The following ZFYVE26 variants were observed in gnomAD, a reference collection of about 807,000 sequenced individuals.
ZFYVE26 encodes the protein zinc finger FYVE domain-containing protein 26.
Under a neutral mutation model 276.5 loss-of-function variants are expected in ZFYVE26, and 181 were observed. That is an observed-to-expected ratio of 0.65 (90% CI 0.58 to 0.74). The LOEUF is 0.74. ZFYVE26 is among the 30% of genes least tolerant of loss of function. ZFYVE26 has a pLI of 0.00. For missense variants in ZFYVE26, 2,821 were observed against 3,097.9 expected (o/e 0.91, Z 2.12); for synonymous variants, 1,129 against 1,203.1 (o/e 0.94, Z 1.27).
rs1197692411 is a variant in ZFYVE26, at chr14:67,766,377, A to T, written c.5861T>A (p.Leu1954Gln). The T allele has an allele frequency of 2.5e-6, 4 of 1,612,864 alleles. No individual in the cohort carries two copies. The Admixed American group carries it at 6.7e-5, about 27-fold the overall frequency. Residue 1954 changes from leucine to glutamine, a missense_variant, in exon 32 of 42, where the codon CTG becomes CAG. By Grantham distance (113) the Leu-to-Gln change is moderately radical (BLOSUM62 -2). Transcript: ENST00000347230. ...GGAGAGCCTGCAGCAGTGCTCAATC[A>T]GCTGGTGACCACAGGCAATGCTGTC... is the stretch of plus-strand genomic sequence containing the variant. ...HRDSIACGHQ[L>Q]IEHCCRLSKG...
chr14:67,768,042 G>C (rs2039105192), intron 30 of ZFYVE26, among the ~76,000 whole-genome samples: 1 of 152,170 alleles, frequency 6.6e-6, no homozygotes, highest in South Asian at 2.1e-4. Context: ...CCTGAGGCGA[G>C]TGTTACAGTA....
intron 3 of ZFYVE26, among the ~76,000 whole-genome samples, chr14:67,811,063 T>C (rs925147680): frequency 6.6e-6 from 1 of 152,184 alleles, no homozygotes; most frequent in Admixed American, 6.5e-5. Flanking sequence ...ATCAAGGCCA[T>C]GTGAATGCTT....
Position 67,804,169 on chromosome 14 carries a change from G to A in ZFYVE26, c.1367C>T (p.Ala456Val), listed in dbSNP as rs955123371. 1 of 1,614,218 alleles carries A rather than the reference G, an allele frequency of 6.2e-7. No individual in the cohort carries two copies. Among genetic ancestry groups the A allele is most frequent in the Middle Eastern group, 1.6e-4 (1 of 6,062 alleles). ...YTLHHLTNLPALREEDVLKLL... is the reference protein window; with the variant it reads ...YTLHHLTNLPVLREEDVLKLL... The stretch of plus-strand genomic sequence containing the variant: ...CTTGAGAACATCTTCCTCCCTGAGG[G>A]CTGGAAGGTTTGTAAGGTGATGGAG... Residue 456 changes from alanine to valine, a missense_variant, in exon 9 of 42, where the codon GCC (alanine) becomes GTC (valine). Physicochemically the swap from Ala to Val is moderately conservative, Grantham distance 64. Coordinates refer to ENST00000347230, the MANE Select transcript of ZFYVE26 (RefSeq NM_015346.4).
In ZFYVE26 at chr14:67,804,770, G is replaced by A. The variant is rs114685643; in HGVS notation, c.1271+447C>T. ...GAATAAAAGTGTGATCCAGGATAACGTAAGACTAAGAATGTGGATGACATT... is the reference window on the plus strand; with the variant it reads ...GAATAAAAGTGTGATCCAGGATAACATAAGACTAAGAATGTGGATGACATT... On this transcript the variant is annotated intron_variant, in intron 8 of 41. Coordinates refer to ENST00000347230, the MANE Select transcript of ZFYVE26 (RefSeq NM_015346.4). Among the ~76,000 whole-genome samples, 1,431 of 152,308 alleles carry A rather than the reference G, an allele frequency of 9.4e-3. 27 individuals carry two copies. The highest frequency in any genetic ancestry group is 0.032 in the African/African-American group (1,318 of 41,562).
chr14:67,767,510 T>C (rs111651208), intron 31 of ZFYVE26, among the ~76,000 whole-genome samples, 194 bp downstream of exon 31: 1 of 152,114 alleles, frequency 6.6e-6, no homozygotes, highest in African/African-American at 2.4e-5. Flanking sequence ...CCACGAAGGC[T>C]TTCCTGGTCT....
intron 14 of ZFYVE26, 37 bp from the exon 15 acceptor site, chr14:67,790,810 C>A: frequency 6.3e-7 from 1 of 1,590,848 alleles, no homozygotes; most frequent in African/African-American, 1.3e-5. Flanking sequence ...CCCTGGTGGT[C>A]CCACTGATTT....
At chr14:67,754,561 C>T (rs919109153) in intron 37 of ZFYVE26, among the ~76,000 whole-genome samples, 1 of 152,126 alleles carries the variant, frequency 6.6e-6, no homozygotes, top group Non-Finnish European at 1.5e-5. Context: ...GAATAGTAAA[C>T]AAACACATAA....
rs759435050 is a variant in ZFYVE26, at chr14:67,798,188, G to A, written c.2074C>T (p.Leu692Phe). 10 of 1,614,200 alleles carry A rather than the reference G, an allele frequency of 6.2e-6. No individual in the cohort carries two copies. Among genetic ancestry groups the A allele is most frequent in the Non-Finnish European group, 8.5e-6 (10 of 1,180,028 alleles). Residue 692 changes from leucine to phenylalanine, a missense_variant, in exon 11 of 42, where the codon CTC becomes TTC. Physicochemically the swap from Leu to Phe is conservative, Grantham distance 22. Coordinates refer to ENST00000347230, the MANE Select transcript of ZFYVE26 (RefSeq NM_015346.4). Reference sequence around the variant, plus strand: ...CTGATCTCATCCAGTTGCTCTTGGAGAAGCCTGAGGAAGGCCCCTATTGCA... The same window carrying A: ...CTGATCTCATCCAGTTGCTCTTGGAAAAGCCTGAGGAAGGCCCCTATTGCA... ...EFAIGAFLRLLQEQLDEISSR... is the reference protein window; with the variant it reads ...EFAIGAFLRLFQEQLDEISSR...
In ZFYVE26 at chr14:67,806,650, C is replaced by T; in HGVS notation, c.912G>A (p.Glu304=). ...TGGAGAACAGGGCTAGCATTGCCCG[C>T]TCAGGATCTAGATGATCCGGTGAGA... The part of the protein sequence containing the change: ...GKVSPDHLDP[E]RAMLALFSNP... Residue 304 remains glutamate (E), a synonymous_variant, in exon 6 of 42, where the codon GAG becomes GAA. Coordinates refer to ENST00000347230, the MANE Select transcript of ZFYVE26 (RefSeq NM_015346.4). 1 of 1,614,220 alleles carries T rather than the reference C, an allele frequency of 6.2e-7. No homozygotes were observed. The highest frequency in any genetic ancestry group is 8.5e-7 in the Non-Finnish European group (1 of 1,180,030).
At chr14:67,791,017 T>C (rs574583900) in intron 14 of ZFYVE26, among the ~76,000 whole-genome samples, 1 of 152,352 alleles carries the variant, frequency 6.6e-6, no homozygotes, top group East Asian at 1.9e-4. Flanking sequence ...AGAGGAAATA[T>C]ATATGACTAA....
intron 23 of ZFYVE26, among the ~76,000 whole-genome samples, chr14:67,779,399 T>C (rs1594908749): frequency 1.3e-5 from 2 of 151,808 alleles, no homozygotes; most frequent in East Asian, 3.9e-4. Flanking sequence ...TCTGTCTCTA[T>C]TAAAAATACA....
At chr14:67,769,543 G>C in intron 29 of ZFYVE26, 51 bp downstream of exon 29, 1 of 1,611,022 alleles carries the variant, frequency 6.2e-7, no homozygotes, top group Non-Finnish European at 8.5e-7. Context: ...AGGGACCTGC[G>C]GAAGGGTGCA....
intron 37 of ZFYVE26, among the ~76,000 whole-genome samples, chr14:67,754,725 G>A (rs1161362878): frequency 1.3e-5 from 2 of 152,298 alleles, no homozygotes; most frequent in East Asian, 1.9e-4. Flanking sequence ...GCCAGGGATC[G>A]ATGCTTAGCA....
Position 67,772,158 on chromosome 14 carries a change from G to A in ZFYVE26, c.5373C>T (p.Thr1791=), listed in dbSNP as rs2039227977. The change falls in exon 28 of 42, where the codon ACC becomes ACT. Residue 1791 remains threonine (T), a synonymous_variant. Transcript: ENST00000347230. ...GGGGCACAAATTCCTGTGAGGGCTG[G>A]GTTGGTGGGAAACTCCTTTCCCTTA... ...PSLRERSFPP[T]QPSQEFVPPA... 6.2e-7 allele frequency: 1 copy of A among 1,613,304 alleles called. No individual in the cohort carries two copies.
chr14:67,774,223 T>C lies in ZFYVE26; in HGVS notation c.5320+793A>G, dbSNP rs548839531. ...TTTCAACCTCTATATAACAGTGACCTGGCTGGGTGTGGTGGCTCATGCCTA... is the reference window on the plus strand; with the variant it reads ...TTTCAACCTCTATATAACAGTGACCCGGCTGGGTGTGGTGGCTCATGCCTA... On this transcript the variant is annotated intron_variant, in intron 27 of 41. Coordinates refer to ENST00000347230, the MANE Select transcript of ZFYVE26 (RefSeq NM_015346.4). 1.3e-4 allele frequency among the ~76,000 whole-genome samples: 20 copies of C among 152,338 alleles called. No homozygotes were observed. The East Asian group carries it at 3.7e-3, about 28-fold the overall frequency.
chr14:67,759,622 C>CAAAAAAAAAAAAAAAAAA (rs10687512), intron 35 of ZFYVE26, among the ~76,000 whole-genome samples: 11 of 107,036 alleles, frequency 1.0e-4, no homozygotes, highest in African/African-American at 2.6e-4. Flanking sequence ...GACTCTGGCT[C>CAAAAAAAAAAAAAAAAAA]AAAAAAAAAA....
At chr14:67,800,832 T>C (rs1232528253) in intron 10 of ZFYVE26, among the ~76,000 whole-genome samples, 2 of 152,102 alleles carry the variant, frequency 1.3e-5, no homozygotes, top group East Asian at 3.8e-4. Flanking sequence ...TAGTTTTTAA[T>C]TGTATTAAAA....
intron 13 of ZFYVE26, among the ~76,000 whole-genome samples, chr14:67,733,262 T>C (rs2038309487): frequency 6.6e-6 from 1 of 152,178 alleles, no homozygotes; most frequent in Admixed American, 6.5e-5. Context: ...GGTATGCAAG[T>C]GCATCTGTCC....
chr14:67,738,491 CATTAT>C (rs1359172967), intron 13 of ZFYVE26, among the ~76,000 whole-genome samples: 18 of 150,204 alleles, frequency 1.2e-4, no homozygotes, highest in African/African-American at 4.4e-4. Flanking sequence ...TTCCAAAAAT[CATTAT>C]ATTAAAAAAA....
Sources: allele counts gnomAD v4.1 joint callset (sites outside exome capture counted in the v4.1 genomes callset), GRCh38; gene constraint gnomAD v4.1.1; transcripts MANE v1.5; gene names NCBI Gene and HGNC (gene_info 2026-07-23, HGNC 2026-07-21).